ALK: variants seen among roughly 807,000 people sequenced by gnomAD.
ALK encodes the protein ALK receptor tyrosine kinase.
Under a neutral mutation model 163.1 loss-of-function variants are expected in ALK, and 74 were observed. The ratio of observed to expected loss-of-function variants is 0.45; its 90% confidence interval spans 0.38 to 0.55. The LOEUF is 0.55. ALK is among the 20% of genes least tolerant of loss of function. The pLI is 0.00. For missense variants in ALK, 2,063 were observed against 2,105.3 expected (o/e 0.98, Z 0.39); for synonymous variants, 960 against 843.2 (o/e 1.14, Z -2.40).
chr2:29,451,805 C>T (rs758407249), intron 4 of ALK, among the ~76,000 whole-genome samples: 14 of 152,094 alleles, frequency 9.2e-5, no homozygotes, highest in Non-Finnish European at 1.9e-4. Flanking sequence ...CTTTGCGTAT[C>T]CCCTAGAAAC....
chr2:29,241,142 T>C (rs1222902866), intron 12 of ALK, among the ~76,000 whole-genome samples: 2 of 152,082 alleles, frequency 1.3e-5, no homozygotes, highest in Non-Finnish European at 1.5e-5. Flanking sequence ...TTATTGAATG[T>C]TGGGAGCGGT....
intron 3 of ALK, among the ~76,000 whole-genome samples, chr2:29,636,413 G>A (rs1676534394): frequency 6.6e-6 from 1 of 151,932 alleles, no homozygotes; most frequent in Non-Finnish European, 1.5e-5. Flanking sequence ...AGAAACAAAT[G>A]ACCTTAGGTC....
chr2:29,378,841 G>T (rs1260238103), intron 5 of ALK, among the ~76,000 whole-genome samples: 1 of 152,086 alleles, frequency 6.6e-6, no homozygotes, highest in South Asian at 2.1e-4. Context: ...CTCCCGAGTA[G>T]CTGAGACCAC....
intron 3 of ALK, among the ~76,000 whole-genome samples, chr2:29,649,169 C>T (rs1027308187): frequency 6.6e-6 from 1 of 151,364 alleles, no homozygotes; most frequent in African/African-American, 2.4e-5. Flanking sequence ...TTATGCTGGA[C>T]ACTTTCTGAG....
At position 29,579,962 on chromosome 2, in the gene ALK, TG is replaced by T. The variant is rs149491258; in HGVS notation, c.953-47847del. ...ATTATTCTGTGATTTATGCTGGGGTTGGGCTGAGAGGTCCCTGCATTGCTTT... is the reference window on the plus strand; with the variant it reads ...ATTATTCTGTGATTTATGCTGGGGTTGGCTGAGAGGTCCCTGCATTGCTTT... On this transcript the variant is annotated intron_variant, in intron 3 of 28. Transcript: ENST00000389048. 2.1e-3 allele frequency among the ~76,000 whole-genome samples: 322 copies of T among 152,290 alleles called. 1 individual carries two copies. Among genetic ancestry groups the T allele is most frequent in the African/African-American group, 7.5e-3 (311 of 41,554 alleles).
At chr2:29,912,672 G>A (rs1045946583) in intron 1 of ALK, among the ~76,000 whole-genome samples, 1 of 151,734 alleles carries the variant, frequency 6.6e-6, no homozygotes, top group Non-Finnish European at 1.5e-5. Context: ...TTTAAAACAC[G>A]CATGACTGGC....
rs2148444933 is a variant in ALK at position 29,921,538 on chromosome 2, T to A, written c.-879A>T. ...CCCTCCGAACAGAGGCGGCGGGAGG[T>A]ACCAGCTGCTACCACCGCTGCCGCC... On this transcript the variant is annotated 5_prime_UTR_variant, in exon 1 of 29. Transcript: ENST00000389048. 1 of 231,378 alleles carries A rather than the reference T, an allele frequency of 4.3e-6. No homozygotes were observed. The highest frequency in any genetic ancestry group is 1.3e-3 in the Middle Eastern group (1 of 780). 14.3% of individuals were successfully genotyped at this position (231,378 alleles called of 1,614,324 possible). A position where few individuals can be genotyped will look rare whatever the true frequency, so the allele number is the denominator to read the frequency against.
At chr2:29,763,739 G>A (rs985037906) in intron 1 of ALK, among the ~76,000 whole-genome samples, 3 of 152,110 alleles carry the variant, frequency 2.0e-5, no homozygotes, top group Admixed American at 6.5e-5. Flanking sequence ...ACTTAGTTAT[G>A]ATTTGTCTGA....
intron 8 of ALK, among the ~76,000 whole-genome samples, chr2:29,304,507 A>AAG (rs1553407267): frequency 6.3e-4 from 96 of 151,646 alleles, no homozygotes; most frequent in Admixed American, 3.1e-3. Flanking sequence ...AAAAAAAAAA[A>AAG]AAAAGAAAAG....
intron 1 of ALK, among the ~76,000 whole-genome samples, chr2:29,822,967 C>T (rs1178999108): frequency 6.6e-6 from 1 of 152,220 alleles, no homozygotes; most frequent in African/African-American, 2.4e-5. Flanking sequence ...TGACTCCCTT[C>T]TCTGCTGATA....
intron 1 of ALK, among the ~76,000 whole-genome samples, chr2:29,828,564 G>T (rs2148384386): frequency 6.6e-6 from 1 of 152,342 alleles, no homozygotes; most frequent in Middle Eastern, 3.4e-3. Context: ...ATGAAAAAAT[G>T]CTCACCATCA....
At chr2:29,672,137 T>G (rs901813609) in intron 3 of ALK, among the ~76,000 whole-genome samples, 1 of 151,394 alleles carries the variant, frequency 6.6e-6, no homozygotes, top group African/African-American at 2.4e-5. Context: ...TTTCCCTGCA[T>G]ACCTTCTGCA....
At chr2:29,225,655 C>T in intron 18 of ALK, 90 bp from the exon 19 acceptor site, 3 of 1,070,576 alleles carry the variant, frequency 2.8e-6, no homozygotes, top group Non-Finnish European at 4.2e-6. Context: ...CCCACTGAGA[C>T]AAAAACTACT....
At chr2:29,378,290 T>C (rs550662147) in intron 5 of ALK, among the ~76,000 whole-genome samples, 23 of 152,290 alleles carry the variant, frequency 1.5e-4, no homozygotes, top group African/African-American at 5.5e-4. Context: ...TGGTCAGTAA[T>C]TTAGTGTATC....
intron 3 of ALK, among the ~76,000 whole-genome samples, chr2:29,651,788 TG>T (rs1677044013): frequency 6.6e-6 from 1 of 152,064 alleles, no homozygotes; most frequent in South Asian, 2.1e-4. Flanking sequence ...AGCATTCAAC[TG>T]AGTTTTCATA....
At chr2:29,790,887 AAAT>A in intron 1 of ALK, among the ~76,000 whole-genome samples, 1 of 152,216 alleles carries the variant, frequency 6.6e-6, no homozygotes, top group East Asian at 1.9e-4. Context: ...CCCGGCCAAA[AAAT>A]AATCCTTTAA....
At chr2:29,329,430 G>A (rs910346523) in intron 5 of ALK, among the ~76,000 whole-genome samples, 1 of 152,190 alleles carries the variant, frequency 6.6e-6, no homozygotes, top group Non-Finnish European at 1.5e-5. Flanking sequence ...TGTCAGATGG[G>A]GAGACTCTGG....
At chr2:29,457,212 A>G (rs1324768095) in intron 4 of ALK, among the ~76,000 whole-genome samples, 3 of 152,090 alleles carry the variant, frequency 2.0e-5, no homozygotes, top group African/African-American at 7.2e-5. Flanking sequence ...CTAACACTTC[A>G]GCATTGGCTC....
At chr2:29,710,499 CGTGT>C (rs55939983) in intron 2 of ALK, among the ~76,000 whole-genome samples, 1,888 of 144,738 alleles carry the variant, frequency 0.013, 38 homozygotes, top group African/African-American at 0.042. Context: ...AGTCTGTGTG[CGTGT>C]GTGTGTGTGT....
Sources: allele counts gnomAD v4.1 joint callset (sites outside exome capture counted in the v4.1 genomes callset), GRCh38; gene constraint gnomAD v4.1.1; transcripts MANE v1.5; gene names NCBI Gene and HGNC (gene_info 2026-07-23, HGNC 2026-07-21).